SPMIP3: variants seen among roughly 807,000 people sequenced by gnomAD.
SPMIP3 encodes the protein protein SPMIP3.
At chr1:244,376,830 G>A in the SPMIP3 span, among the ~76,000 whole-genome samples, 1 of 148,266 alleles carries the variant, frequency 6.7e-6, no homozygotes, top group South Asian at 2.1e-4. Flanking sequence ...TTTTTTTTTA[G>A]ATGGAGTCTC....
chr1:244,364,809 G>A, the SPMIP3 span: 2 of 1,579,982 alleles, frequency 1.3e-6, no homozygotes, highest in African/African-American at 1.3e-5. Context: ...GCAGCCAGGT[G>A]CCTGGGGAGT....
At chr1:244,375,321 G>T in the SPMIP3 span, 2 of 1,433,780 alleles carry the variant, frequency 1.4e-6, no homozygotes, top group South Asian at 2.3e-5. Context: ...CTTCTGGAAT[G>T]AACTAATTGT....
chr1:244,354,850 T>C, the SPMIP3 span, among the ~76,000 whole-genome samples: 1 of 152,050 alleles, frequency 6.6e-6, no homozygotes, highest in African/African-American at 2.4e-5. Flanking sequence ...GAGAGGGAGG[T>C]GCAGCCACCT....
At chr1:244,359,918 G>A in the SPMIP3 span, among the ~76,000 whole-genome samples, 4 of 151,780 alleles carry the variant, frequency 2.6e-5, no homozygotes, top group Admixed American at 2.6e-4. Flanking sequence ...AGACCATCCT[G>A]GCCAACATGG....
At chr1:244,364,296 G>A in the SPMIP3 span, among the ~76,000 whole-genome samples, 5 of 152,024 alleles carry the variant, frequency 3.3e-5, no homozygotes, top group East Asian at 1.9e-4. Flanking sequence ...TAGTAAAGAC[G>A]GGGTTTCACC....
chr1:244,372,803 C>A, the SPMIP3 span, among the ~76,000 whole-genome samples: 23 of 152,198 alleles, frequency 1.5e-4, no homozygotes, highest in African/African-American at 5.5e-4. Flanking sequence ...AAAGACCCCA[C>A]ATGTCCAGGC....
the SPMIP3 span, among the ~76,000 whole-genome samples, chr1:244,379,279 C>T: frequency 6.6e-6 from 1 of 150,466 alleles, no homozygotes; most frequent in African/African-American, 2.5e-5. Flanking sequence ...GTTGCCCAGG[C>T]TGGTCTTGAA....
the SPMIP3 span, chr1:244,378,659 CTT>C: frequency 6.2e-7 from 1 of 1,602,850 alleles, no homozygotes; most frequent in Non-Finnish European, 8.5e-7. Flanking sequence ...GCCAACTGCT[CTT>C]AACTCTCTGA....
At chr1:244,378,624 C>A in the SPMIP3 span, 2 of 1,612,796 alleles carry the variant, frequency 1.2e-6, no homozygotes, top group African/African-American at 2.7e-5. Flanking sequence ...CTATTCTCTG[C>A]CATTTTATGA....
At chr1:244,363,369 C>T in the SPMIP3 span, among the ~76,000 whole-genome samples, 4 of 151,682 alleles carry the variant, frequency 2.6e-5, no homozygotes, top group Non-Finnish European at 5.9e-5. Flanking sequence ...GATTGTGCCA[C>T]TGCACTCCAA....
the SPMIP3 span, among the ~76,000 whole-genome samples, chr1:244,358,201 G>A: frequency 6.6e-6 from 1 of 152,108 alleles, no homozygotes; most frequent in Non-Finnish European, 1.5e-5. Context: ...TTGCACTCCA[G>A]CCTGGGTGAC....
At chr1:244,386,262 G>T in the SPMIP3 span, among the ~76,000 whole-genome samples, 1 of 152,052 alleles carries the variant, frequency 6.6e-6, no homozygotes, top group Admixed American at 6.6e-5. Flanking sequence ...CCTCAGCAAG[G>T]TGGTTAAAGT....
At chr1:244,388,649 C>T in the SPMIP3 span, among the ~76,000 whole-genome samples, 1 of 152,076 alleles carries the variant, frequency 6.6e-6, no homozygotes, top group East Asian at 1.9e-4. Context: ...CAAAATAATG[C>T]ACTGATAATG....
At chr1:244,372,707 T>A in the SPMIP3 span, among the ~76,000 whole-genome samples, 1 of 152,232 alleles carries the variant, frequency 6.6e-6, no homozygotes, top group Admixed American at 6.5e-5. Context: ...CCTCCCAAAG[T>A]GCTGGGATTA....
At chr1:244,375,378 C>A in the SPMIP3 span, 1 of 1,613,122 alleles carries the variant, frequency 6.2e-7, no homozygotes, top group African/African-American at 1.3e-5. Context: ...CTAGTATATT[C>A]ATCGCTCACC....
At chr1:244,360,324 C>A in the SPMIP3 span, among the ~76,000 whole-genome samples, 2 of 151,984 alleles carry the variant, frequency 1.3e-5, no homozygotes, top group African/African-American at 4.8e-5. Flanking sequence ...CCTCAAAAAA[C>A]TAAAAATAGA....
chr1:244,354,462 T>A, the SPMIP3 span, among the ~76,000 whole-genome samples: 4 of 151,608 alleles, frequency 2.6e-5, no homozygotes, highest in African/African-American at 9.7e-5. Context: ...TTCAAACGAT[T>A]CTCCTGCCTC....
At chr1:244,386,136 C>T in the SPMIP3 span, among the ~76,000 whole-genome samples, 1 of 152,078 alleles carries the variant, frequency 6.6e-6, no homozygotes, top group Non-Finnish European at 1.5e-5. Context: ...CAAGATCGCA[C>T]CACTGCACTC....
chr1:244,372,498 C>A, the SPMIP3 span, among the ~76,000 whole-genome samples: 2 of 149,772 alleles, frequency 1.3e-5, no homozygotes, highest in Non-Finnish European at 2.9e-5. Flanking sequence ...GGCTGGAGTG[C>A]AGTGGCACGA....
Sources: gnomAD v4.1 joint callset for allele counts (sites outside exome capture counted in the v4.1 genomes callset) on GRCh38, gnomAD v4.1.1 for gene constraint, MANE v1.5 for transcripts, NCBI Gene and HGNC (gene_info 2026-07-23, HGNC 2026-07-21) for gene names.